The following EML1 variants were observed in gnomAD, a reference collection of about 807,000 sequenced individuals.
The protein encoded by EML1 is EMAP like 1, also known as echinoderm microtubule-associated protein-like 1.
In EML1, 27 loss-of-function variants were observed where a neutral mutation model predicts 110.4. That is an observed-to-expected ratio of 0.24 (90% CI 0.18 to 0.34). The LOEUF (loss-of-function observed/expected upper bound fraction) is 0.34, where lower values mean the gene tolerates loss of function less well. EML1 is among the 10% of genes least tolerant of loss of function. The pLI, the probability that EML1 is intolerant of heterozygous loss-of-function variation, is 1.00. For missense variants in EML1, 741 were observed against 1,030.9 expected, an observed-to-expected ratio of 0.72 and a Z score of 3.85; for synonymous variants, 344 against 385.8, an observed-to-expected ratio of 0.89 and a Z score of 1.27.
rs113362387 is a variant in EML1 at position 99,826,333 on chromosome 14, G to A, written c.68-24520G>A. On this transcript the variant is annotated intron_variant, in intron 1 of 21. Transcript: ENST00000262233. The stretch of plus-strand genomic sequence containing the variant: ...TTGCCATGTTGGCCAGGCTGGTTTC[G>A]AACACCTGACCTCATGTGATCCGCC... Among the ~76,000 whole-genome samples, 44 of 152,064 alleles carry A rather than the reference G, an allele frequency of 2.9e-4. 1 individual carries two copies. Among genetic ancestry groups the A allele is most frequent in the African/African-American group, 7.5e-4 (31 of 41,490 alleles).
At chr14:99,860,741 C>T (rs1243676988) in intron 2 of EML1, among the ~76,000 whole-genome samples, 4 of 152,032 alleles carry the variant, frequency 2.6e-5, no homozygotes, top group Admixed American at 6.6e-5. Context: ...TGGATCTTGC[C>T]GAAGTTGGGA....
chr14:99,897,294 G>A lies in EML1; in HGVS notation c.827G>A (p.Cys276Tyr). 6.2e-7 allele frequency: 1 copy of A among 1,603,414 alleles called. No individual in the cohort carries two copies. Among genetic ancestry groups the A allele is most frequent in the Non-Finnish European group, 8.5e-7 (1 of 1,175,262 alleles). The part of the protein sequence containing the change: ...HYAGHNDDVK[C>Y]LAVHPDRITI... ...GCTGGCCACAACGATGACGTGAAGT[G>A]GTAAGTCCTGAAACAGGTCATTCCT... is the stretch of plus-strand genomic sequence containing the variant. Residue 276 changes from cysteine to tyrosine, a missense_variant and splice_region_variant, in exon 7 of 22, where the codon TGC becomes TAC. Physicochemically the swap from Cys to Tyr is radical, Grantham distance 194. Coordinates refer to ENST00000262233, the MANE Select transcript of EML1 (RefSeq NM_004434.3).
intron 1 of EML1, among the ~76,000 whole-genome samples, chr14:99,740,945 G>A (rs2057034732): frequency 6.6e-6 from 1 of 152,204 alleles, no homozygotes; most frequent in Admixed American, 6.5e-5. Flanking sequence ...TCTGCAGGAA[G>A]AGAATCCAGG....
intron 1 of EML1, among the ~76,000 whole-genome samples, chr14:99,826,562 C>T (rs940390953): frequency 4.6e-5 from 7 of 152,122 alleles, no homozygotes; most frequent in East Asian, 1.9e-4. Flanking sequence ...TTAAGCAGCA[C>T]GCCACAGCCT....
At position 99,737,932 on chromosome 14, in the gene EML1, C is replaced by T. The variant is rs1193713402; in HGVS notation, c.28+72C>T. On this transcript the variant is annotated intron_variant, in intron 1 of 10. Transcript: ENST00000554479. ...CCAAGGCCGCCAGTCGCCGAGGGCA[C>T]TGGGGCCCCCGCAGGCTGCAGGCAG... 4.7e-6 allele frequency: 6 copies of T among 1,269,818 alleles called. No homozygotes were observed. In the East Asian group the frequency reaches 1.7e-4, roughly 36 times the overall value. The allele number at this position is 1,269,818 out of a possible 1,614,324, so 78.7% of individuals were successfully genotyped here.
intron 10 of EML1, among the ~76,000 whole-genome samples, chr14:99,908,279 A>T (rs2059889811): frequency 6.6e-6 from 1 of 152,144 alleles, no homozygotes; most frequent in Non-Finnish European, 1.5e-5. Flanking sequence ...GACTTCTTTG[A>T]CCGCCTCTAA....
chr14:99,908,235 C>G (rs1323108392), intron 10 of EML1, among the ~76,000 whole-genome samples: 2 of 152,246 alleles, frequency 1.3e-5, no homozygotes, highest in Non-Finnish European at 2.9e-5. Context: ...CCAAATCCTT[C>G]CCAACAGGAT....
At chr14:99,780,659 G>A (rs2057529771) in intron 1 of EML1, among the ~76,000 whole-genome samples, 1 of 152,062 alleles carries the variant, frequency 6.6e-6, no homozygotes, top group Non-Finnish European at 1.5e-5. Flanking sequence ...GGTCAGGGAT[G>A]GACTGCACGT....
intron 15 of EML1, among the ~76,000 whole-genome samples, chr14:99,915,999 CAGAG>C (rs1184882376): frequency 2.0e-5 from 3 of 152,338 alleles, no homozygotes; most frequent in Non-Finnish European, 4.4e-5. Flanking sequence ...CACTGCCACT[CAGAG>C]AGCAGGTGTG....
upstream of EML1, chr14:99,793,256 G>A (rs1476673203): frequency 2.3e-6 from 2 of 869,480 alleles, no homozygotes; most frequent in Non-Finnish European, 2.7e-6. Flanking sequence ...CGGGCCCCGC[G>A]GCCGCCGAGG....
intron 8 of EML1, among the ~76,000 whole-genome samples, chr14:99,898,751 CAAA>C (rs35606709): frequency 1.3e-4 from 14 of 107,618 alleles, no homozygotes; most frequent in African/African-American, 1.1e-4. Flanking sequence ...GACTAAGTCT[CAAA>C]AAAAAAAAAA....
At chr14:99,830,293 T>G (rs962647276) in intron 1 of EML1, among the ~76,000 whole-genome samples, 1 of 152,212 alleles carries the variant, frequency 6.6e-6, no homozygotes, top group Non-Finnish European at 1.5e-5. Context: ...GTATATCTTC[T>G]TAGAGAAACA....
intron 9 of EML1, among the ~76,000 whole-genome samples, chr14:99,904,370 C>A (rs1468739500): frequency 1.3e-5 from 2 of 151,050 alleles, no homozygotes; most frequent in Admixed American, 1.3e-4. Context: ...ACCTTTTAAT[C>A]TAGGCAAAAA....
chr14:99,857,189 T>C (rs1400629138), intron 2 of EML1, among the ~76,000 whole-genome samples: 3 of 152,080 alleles, frequency 2.0e-5, no homozygotes, highest in African/African-American at 7.2e-5. Context: ...GGAGGATCAC[T>C]TGAGCCCAGG....
At chr14:99,890,412 G>A (rs965234583) in intron 4 of EML1, among the ~76,000 whole-genome samples, 5 of 152,224 alleles carry the variant, frequency 3.3e-5, no homozygotes, top group African/African-American at 7.2e-5. Context: ...CCCAAAGGTG[G>A]TGTCATGGGA....
rs754559821 is a variant in EML1, at chr14:99,939,279, C to T, written c.2274C>T (p.Asp758=). ...AHEKKLLSTG[D]DFGKVHLFSY... is the part of the protein sequence containing the mutation. ...AGAAGAAACTCCTGTCAACAGGCGACGACTTTGGCAAAGTGCACCTCTTCT... is the reference window on the plus strand; with the variant it reads ...AGAAGAAACTCCTGTCAACAGGCGATGACTTTGGCAAAGTGCACCTCTTCT... Residue 758 remains aspartate, a synonymous_variant, in exon 21 of 22, where the codon GAC becomes GAT. Coordinates refer to ENST00000262233, the MANE Select transcript of EML1 (RefSeq NM_004434.3). This position sits in a 1 kb window ranked among gnomAD's most constrained non-coding sequence, Gnocchi z 4.2. The T allele has an allele frequency of 1.9e-5, 31 of 1,614,076 alleles. No homozygotes were observed. The highest frequency in any genetic ancestry group is 5.0e-5 in the Admixed American group (3 of 60,004).
chr14:99,895,752 TATC>T lies in EML1; in HGVS notation c.677+998_677+1000del, dbSNP rs1163404907. ...AAATGAAATTGACATATCACGTAGA[TATC>T]ATCCTACTTTAAAAAAAAAAAAACT... On this transcript the variant is annotated intron_variant, in intron 6 of 21. Transcript: ENST00000262233. Among the ~76,000 whole-genome samples, 16 of 100,902 alleles carry T rather than the reference TATC, an allele frequency of 1.6e-4. No homozygotes were observed. In the Admixed American group the frequency reaches 1.7e-3, roughly 11 times the overall value. The allele number at this position is 100,902 out of a possible 152,430, so 66.2% of individuals were successfully genotyped here. A position where few individuals can be genotyped will look rare whatever the true frequency, so the allele number is the denominator to read the frequency against.
rs779282031 is a variant in EML1, at chr14:99,907,626, C to CT, written c.1009-9dup. 1 of 1,612,934 alleles carries CT rather than the reference C, an allele frequency of 6.2e-7. No individual in the cohort carries two copies. The highest frequency in any genetic ancestry group is 1.1e-5 in the South Asian group (1 of 90,854). On this transcript the variant is annotated splice_polypyrimidine_tract_variant and intron_variant, in intron 9 of 21. Coordinates refer to ENST00000262233, the MANE Select transcript of EML1 (RefSeq NM_004434.3). ...TCAGATATAGTCTTCCTGTGAATAA[C>CT]TTTCTTTTCAGAATGGAGGAACCAA...
chr14:99,842,340 T>G (rs762874871), intron 1 of EML1, among the ~76,000 whole-genome samples: 1 of 152,244 alleles, frequency 6.6e-6, no homozygotes, highest in Non-Finnish European at 1.5e-5. Flanking sequence ...TAAAGTCATT[T>G]GAACAACACT....
Sources: gnomAD v4.1 joint callset for allele counts (sites outside exome capture counted in the v4.1 genomes callset) on GRCh38, gnomAD v4.1.1 for gene constraint, Gnocchi (gnomAD v3.1) non-coding constraint, MANE v1.5 for transcripts, NCBI Gene and HGNC (gene_info 2026-07-23, HGNC 2026-07-21) for gene names.